CGGBP1: variants seen among roughly 807,000 people sequenced by gnomAD.
CGGBP1 encodes CGG triplet repeat binding protein 1, also known as CGG triplet repeat-binding protein 1.
CGGBP1 carries 4 observed loss-of-function variants against 11.4 expected under a neutral mutation model. The ratio of observed to expected loss-of-function variants is 0.35; its 90% CI spans 0.17 to 0.80. The LOEUF is 0.80. Among genes scored for constraint, CGGBP1 ranks in the 30% least tolerant of loss-of-function variants. The probability of loss-of-function intolerance (pLI) is 0.52; values close to 1 mark genes in which losing one functional copy is unlikely to be tolerated. For missense variants in CGGBP1, 135 were observed against 202.1 expected (o/e 0.67, Z 2.01); for synonymous variants, 76 against 74.1 (o/e 1.03, Z -0.13).
chr3:88,068,046 G>A (rs986883791), intron 2 of CGGBP1, among the ~76,000 whole-genome samples: 17 of 152,094 alleles, frequency 1.1e-4, no homozygotes, highest in African/African-American at 3.4e-4. Context: ...CAAGTGGAGG[G>A]GTGTTGCTTT....
chr3:88,109,143 G>GT (rs1491413654), intron 2 of CGGBP1, among the ~76,000 whole-genome samples: 3 of 2,746 alleles, frequency 1.1e-3, no homozygotes, highest in Admixed American at 0.023. Flanking sequence ...GTGGGCACTA[G>GT]TGTGTGTGTG....
At chr3:88,080,473 A>C (rs988606503) in intron 2 of CGGBP1, among the ~76,000 whole-genome samples, 1 of 152,048 alleles carries the variant, frequency 6.6e-6, no homozygotes, top group African/African-American at 2.4e-5. Context: ...TTAAATTTTC[A>C]ATAGGCCTGT....
At chr3:88,056,925 CA>C (rs1460128347) in intron 3 of CGGBP1, 12 of 152,092 alleles carry the variant, frequency 7.9e-5, no homozygotes, top group African/African-American at 2.9e-4. Flanking sequence ...CACTAAATAC[CA>C]AATGACAGCC....
chr3:88,089,986 TGTG>T (rs1164843632), intron 2 of CGGBP1, among the ~76,000 whole-genome samples: 12 of 152,214 alleles, frequency 7.9e-5, no homozygotes, highest in Non-Finnish European at 5.9e-5. Context: ...TATTCATGCT[TGTG>T]GTGATGCTGG....
intron 2 of CGGBP1, among the ~76,000 whole-genome samples, chr3:88,073,108 T>C (rs1707608140): frequency 1.3e-5 from 2 of 152,204 alleles, no homozygotes; most frequent in Non-Finnish European, 1.5e-5. Context: ...ATTAGAAATA[T>C]GGTTCCTAAT....
At chr3:88,139,825 A>G in intron 2 of CGGBP1, 3 of 1,568,184 alleles carry the variant, frequency 1.9e-6, no homozygotes, top group Non-Finnish European at 2.6e-6. Context: ...GACCTGAATC[A>G]AGAAACTTCA....
chr3:88,124,229 C>A (rs1705950476), intron 2 of CGGBP1, among the ~76,000 whole-genome samples: 1 of 152,216 alleles, frequency 6.6e-6, no homozygotes, highest in South Asian at 2.1e-4. Flanking sequence ...TTCATCCTCA[C>A]AACAATCCTA....
Position 88,054,696 on chromosome 3 carries a change from T to C in CGGBP1, c.*777A>G, listed in dbSNP as rs777234539. On this transcript the variant is annotated 3_prime_UTR_variant, in exon 4 of 4. Coordinates refer to ENST00000482016, the MANE Select transcript of CGGBP1 (RefSeq NM_001008390.2). ...CTTGAAATCTTTTAACACCAAGACA[T>C]AGAAAAAAGTTTAGAAATTCAAGAT... The C allele has an allele frequency of 1.3e-5, 2 of 152,546 alleles. No individual in the cohort carries two copies. The highest frequency in any genetic ancestry group is 4.8e-5 in the African/African-American group (2 of 41,434). 9.4% of individuals were successfully genotyped at this position (152,546 alleles called of 1,614,324 possible).
intron 2 of CGGBP1, among the ~76,000 whole-genome samples, chr3:88,088,601 A>G (rs1215922787): frequency 2.0e-5 from 3 of 152,226 alleles, no homozygotes; most frequent in Admixed American, 2.0e-4. Flanking sequence ...AAACAAAACC[A>G]AAGAGAAATT....
At chr3:88,060,246 T>A (rs1706790162), upstream of CGGBP1, among the ~76,000 whole-genome samples, 1 of 152,194 alleles carries the variant, frequency 6.6e-6, no homozygotes, top group South Asian at 2.1e-4. Context: ...CAATATATAA[T>A]GTATTTTATT....
At chr3:88,106,749 A>G (rs567050328) in intron 2 of CGGBP1, among the ~76,000 whole-genome samples, 7 of 152,132 alleles carry the variant, frequency 4.6e-5, no homozygotes, top group African/African-American at 1.2e-4. Flanking sequence ...ATGTTCCCCT[A>G]TTGCTTCTGA....
At chr3:88,063,926 G>A (rs1400933119), upstream of CGGBP1, among the ~76,000 whole-genome samples, 1 of 152,102 alleles carries the variant, frequency 6.6e-6, no homozygotes, top group Non-Finnish European at 1.5e-5. Context: ...TCTCTGTGGT[G>A]TAAACCAAAA....
chr3:88,140,382 A>G, intron 2 of CGGBP1: 3 of 1,613,260 alleles, frequency 1.9e-6, no homozygotes, highest in Non-Finnish European at 2.5e-6. Context: ...TAGTAATGAG[A>G]AACAAACTAT....
At chr3:88,106,769 C>T (rs1704765904) in intron 2 of CGGBP1, among the ~76,000 whole-genome samples, 1 of 152,068 alleles carries the variant, frequency 6.6e-6, no homozygotes, top group Non-Finnish European at 1.5e-5. Flanking sequence ...AGTTTCTTAT[C>T]ATAGTTAAAC....
At chr3:88,085,334 A>G (rs182571671) in intron 2 of CGGBP1, among the ~76,000 whole-genome samples, 10 of 152,370 alleles carry the variant, frequency 6.6e-5, no homozygotes, top group Admixed American at 6.5e-4. Context: ...CAGACAATAC[A>G]TAAATGGATG....
intron 2 of CGGBP1, among the ~76,000 whole-genome samples, chr3:88,109,677 G>GA (rs1292783254): frequency 4.4e-4 from 67 of 152,068 alleles, no homozygotes; most frequent in African/African-American, 1.6e-3. Context: ...ATTCAAGGGG[G>GA]AACTGTAAAT....
At chr3:88,097,898 C>T (rs1704162043) in intron 2 of CGGBP1, among the ~76,000 whole-genome samples, 1 of 152,150 alleles carries the variant, frequency 6.6e-6, no homozygotes, top group African/African-American at 2.4e-5. Context: ...CTAAAATTGA[C>T]ACCCTAATAT....
At chr3:88,136,463 G>C (rs1576350872) in intron 2 of CGGBP1, among the ~76,000 whole-genome samples, 1 of 152,164 alleles carries the variant, frequency 6.6e-6, no homozygotes, top group South Asian at 2.1e-4. Context: ...CATAAATACT[G>C]TGTGAGTTCA....
At chr3:88,125,875 T>C (rs927497592) in intron 2 of CGGBP1, among the ~76,000 whole-genome samples, 1 of 152,230 alleles carries the variant, frequency 6.6e-6, no homozygotes. Flanking sequence ...AGAAATGATG[T>C]GTCCTTTAGG....
Sources: allele counts gnomAD v4.1 joint callset (sites outside exome capture counted in the v4.1 genomes callset), GRCh38; gene constraint gnomAD v4.1.1; transcripts MANE v1.5; gene names NCBI Gene and HGNC (gene_info 2026-07-23, HGNC 2026-07-21).